AKT3: variants seen among roughly 807,000 people sequenced by gnomAD.
The protein encoded by AKT3 is RAC-gamma serine/threonine-protein kinase.
Under a neutral mutation model 65.3 loss-of-function variants are expected in AKT3, and 15 were observed. The observed-to-expected ratio is 0.23, with a 90% CI of 0.15 to 0.35. The LOEUF (loss-of-function observed/expected upper bound fraction) is 0.35, where lower values mean the gene tolerates loss of function less well. AKT3 is among the 10% of genes least tolerant of loss of function. AKT3 has a pLI of 1.00. For missense variants in AKT3, 243 were observed against 576.5 expected (o/e 0.42, Z 5.92); for synonymous variants, 206 against 183.8 (o/e 1.12, Z -0.98).
chr1:243,657,632 G>T (rs1221131207), intron 4 of AKT3, among the ~76,000 whole-genome samples: 1 of 148,006 alleles, frequency 6.8e-6, no homozygotes, highest in Non-Finnish European at 1.5e-5. Context: ...TGCGGAAACA[G>T]AAAAAAAAAA....
intron 2 of AKT3, among the ~76,000 whole-genome samples, chr1:243,784,063 C>G (rs915392808): frequency 5.3e-5 from 8 of 151,818 alleles, no homozygotes; most frequent in African/African-American, 1.9e-4. Flanking sequence ...AAAATATAAA[C>G]AAATAAAAAA....
chr1:243,711,017 A>G (rs192396569), intron 2 of AKT3, among the ~76,000 whole-genome samples: 2 of 152,348 alleles, frequency 1.3e-5, no homozygotes, highest in Non-Finnish European at 2.9e-5. Context: ...ATAATTTTGT[A>G]GAACAAAATG....
Position 243,680,223 on chromosome 1 carries a change from G to C in AKT3, c.173-15340C>G, listed in dbSNP as rs546722641. On this transcript the variant is annotated intron_variant, in intron 3 of 13. Coordinates refer to ENST00000673466, the MANE Select transcript of AKT3 (RefSeq NM_005465.7). Reference sequence around the variant, plus strand: ...GAGGGAGAAAGACAATGACAAATTGGTCCAAAAGGACACTGAGACTTCATA... The same window carrying C: ...GAGGGAGAAAGACAATGACAAATTGCTCCAAAAGGACACTGAGACTTCATA... 5.9e-5 allele frequency among the ~76,000 whole-genome samples: 9 copies of C among 152,214 alleles called. No homozygotes were observed. In the South Asian group the frequency reaches 1.9e-3, roughly 32 times the overall value.
chr1:243,648,534 T>C (rs1681026246), intron 4 of AKT3, among the ~76,000 whole-genome samples: 1 of 152,180 alleles, frequency 6.6e-6, no homozygotes, highest in African/African-American at 2.4e-5. Context: ...GCTATAGTTG[T>C]CTTTTCTTAA....
chr1:243,654,364 AT>A (rs1681604632), intron 4 of AKT3, among the ~76,000 whole-genome samples: 1 of 152,158 alleles, frequency 6.6e-6, no homozygotes. Flanking sequence ...TTATTGGTTT[AT>A]TTAAGCATTT....
Position 243,633,391 on chromosome 1 carries a change from C to T in AKT3, c.561+4220G>A, listed in dbSNP as rs190654023. ...ATTACTGTAAGTTTGTGTTGTAATACCACTTTTTGCTTTCTACATGATTAA... is the reference window on the plus strand; with the variant it reads ...ATTACTGTAAGTTTGTGTTGTAATATCACTTTTTGCTTTCTACATGATTAA... On this transcript the variant is annotated intron_variant, in intron 6 of 13. Transcript: ENST00000673466. Among the ~76,000 whole-genome samples, 409 of 152,128 alleles carry T rather than the reference C, an allele frequency of 2.7e-3. 1 individual carries two copies. Among genetic ancestry groups the T allele is most frequent in the African/African-American group, 9.2e-3 (380 of 41,524 alleles).
At chr1:243,597,826 T>C (rs1676731287) in intron 8 of AKT3, among the ~76,000 whole-genome samples, 1 of 152,252 alleles carries the variant, frequency 6.6e-6, no homozygotes, top group Admixed American at 6.5e-5. Context: ...ACCATCTGTC[T>C]TGCTCATGTA....
intron 2 of AKT3, among the ~76,000 whole-genome samples, chr1:243,750,410 CA>C: frequency 7.6e-5 from 1 of 13,182 alleles, no homozygotes; most frequent in South Asian, 1.9e-3. Context: ...TGCACGTATA[CA>C]CACACACACA....
intron 2 of AKT3, among the ~76,000 whole-genome samples, chr1:243,811,689 AC>A (rs1346442205): frequency 1.3e-5 from 2 of 152,210 alleles, no homozygotes; most frequent in Non-Finnish European, 2.9e-5. Context: ...TACATATGGA[AC>A]CAAAAAAGAG....
At chr1:243,817,610 ACATGCCTGTAGTCC>A (rs919435663) in intron 2 of AKT3, among the ~76,000 whole-genome samples, 2 of 152,142 alleles carry the variant, frequency 1.3e-5, no homozygotes, top group African/African-American at 4.8e-5. Flanking sequence ...GCGTGGTGGC[ACATGCCTGTAGTCC>A]CAGCTACTGA....
At chr1:243,489,879 G>T (rs1347040542) in intron 13 of AKT3, among the ~76,000 whole-genome samples, 1 of 152,130 alleles carries the variant, frequency 6.6e-6, no homozygotes, top group African/African-American at 2.4e-5. Context: ...AAAGTGTCCC[G>T]GTGAATTTGG....
In AKT3 at chr1:243,635,199, T is replaced by A. The variant is rs1229607370; in HGVS notation, c.561+2412A>T. On this transcript the variant is annotated intron_variant, in intron 6 of 13. Coordinates refer to ENST00000673466, the MANE Select transcript of AKT3 (RefSeq NM_005465.7). ...TGTAGAAATTAAACAACAGACACAA[T>A]CAATGACAAAGGAAATTAGAAATAC... Among the ~76,000 whole-genome samples, 3 of 151,562 alleles carry A rather than the reference T, an allele frequency of 2.0e-5. No individual in the cohort carries two copies. The East Asian group carries it at 5.8e-4, about 29-fold the overall frequency.
intron 2 of AKT3, among the ~76,000 whole-genome samples, chr1:243,750,999 A>C (rs1246903388): frequency 1.3e-5 from 2 of 152,230 alleles, no homozygotes; most frequent in African/African-American, 4.8e-5. Flanking sequence ...TAAACACTAC[A>C]AACACACAGA....
At position 243,552,581 on chromosome 1, in the gene AKT3, T is replaced by C. The variant is rs540771520; in HGVS notation, c.1163+148A>G. 11 of 717,640 alleles carry C rather than the reference T, an allele frequency of 1.5e-5. No homozygotes were observed. The Admixed American group carries it at 2.6e-4, about 17-fold the overall frequency. 44.5% of individuals were successfully genotyped at this position (717,640 alleles called of 1,614,324 possible). On this transcript the variant is annotated intron_variant, in intron 11 of 13. Transcript: ENST00000673466. ...AAAAATTTTTAAATGTTCTATATTA[T>C]GCAGTTAAAAATAAGTCAGGATCTC...
chr1:243,789,790 A>G (rs573633241), intron 2 of AKT3, among the ~76,000 whole-genome samples: 10 of 152,332 alleles, frequency 6.6e-5, no homozygotes, highest in African/African-American at 1.9e-4. Flanking sequence ...GAAAGTTGAA[A>G]TTAGTCCTTG....
intron 4 of AKT3, among the ~76,000 whole-genome samples, chr1:243,649,584 C>T (rs1366601495): frequency 6.6e-6 from 1 of 151,998 alleles, no homozygotes; most frequent in Non-Finnish European, 1.5e-5. Context: ...CCCTGACAGG[C>T]CCCAGTATGT....
At chr1:243,517,154 T>C (rs887255072) in intron 12 of AKT3, among the ~76,000 whole-genome samples, 1 of 152,166 alleles carries the variant, frequency 6.6e-6, no homozygotes, top group Non-Finnish European at 1.5e-5. Context: ...TGTGTTTTTT[T>C]AATTTCATTT....
chr1:243,669,753 A>C (rs923461092), intron 3 of AKT3, among the ~76,000 whole-genome samples: 2 of 152,176 alleles, frequency 1.3e-5, no homozygotes, highest in Non-Finnish European at 2.9e-5. Flanking sequence ...GCTGCTAAAA[A>C]CAATAAAAGA....
At chr1:243,493,926 G>A (rs1206065466) in intron 13 of AKT3, among the ~76,000 whole-genome samples, 1 of 151,940 alleles carries the variant, frequency 6.6e-6, no homozygotes, top group Admixed American at 6.6e-5. Context: ...CTCTCAGGGA[G>A]CAAGACTCCC....
Sources: gnomAD v4.1 joint callset for allele counts (sites outside exome capture counted in the v4.1 genomes callset) on GRCh38, gnomAD v4.1.1 for gene constraint, MANE v1.5 for transcripts, NCBI Gene and HGNC (gene_info 2026-07-23, HGNC 2026-07-21) for gene names.